RUVBL1: variants seen among roughly 807,000 people sequenced by gnomAD.
RUVBL1 encodes RuvB like AAA ATPase 1.
In RUVBL1, 4 loss-of-function variants were observed where a neutral mutation model predicts 52.4. The ratio of observed to expected loss-of-function variants is 0.08; its 90% CI spans 0.04 to 0.17. The LOEUF is 0.17. Among genes scored for constraint, RUVBL1 ranks in the 10% least tolerant of loss-of-function variants. The probability of loss-of-function intolerance (pLI) is 1.00; values close to 1 mark genes in which losing one functional copy is unlikely to be tolerated. For missense variants in RUVBL1, 298 were observed against 572.8 expected (o/e 0.52, Z 4.90); for synonymous variants, 217 against 214.4 (o/e 1.01, Z -0.10).
intron 1 of RUVBL1, among the ~76,000 whole-genome samples, chr3:128,151,451 A>G (rs1944210914): frequency 6.6e-6 from 1 of 151,854 alleles, no homozygotes; most frequent in Non-Finnish European, 1.5e-5. Context: ...GGCCCTGTAC[A>G]AAGTCTTTGT....
chr3:128,107,942 C>T (rs1201007868), intron 3 of RUVBL1, among the ~76,000 whole-genome samples: 1 of 152,154 alleles, frequency 6.6e-6, no homozygotes, highest in East Asian at 1.9e-4. Flanking sequence ...AAAGACATTC[C>T]CGTCTCTCAC....
chr3:128,069,393 A>G, intron 9 of RUVBL1: 9 of 1,341,212 alleles, frequency 6.7e-6, no homozygotes, highest in Non-Finnish European at 9.3e-6. Context: ...ATTAGGTCCC[A>G]AAGTCTCAGG....
At chr3:128,153,363 G>A in exon 1 of RUVBL1, 1 of 1,385,170 alleles carries the variant, frequency 7.2e-7, no homozygotes, top group South Asian at 1.6e-5. Context: ...GTGCCCGTGA[G>A]CCTCAGGAGG....
Position 128,120,765 on chromosome 3 carries a change from C to T in RUVBL1, c.142-1351G>A, listed in dbSNP as rs565471479. Among the ~76,000 whole-genome samples, 312 of 152,168 alleles carry T rather than the reference C, an allele frequency of 2.1e-3. 1 individual carries two copies. Among genetic ancestry groups the T allele is most frequent in the Non-Finnish European group, 3.5e-3 (238 of 68,002 alleles). ...TCAAAAAATATGTAAGGACTACAGG[C>T]GCCTGCCACCATGCCTAGCTAATTT... is the stretch of plus-strand genomic sequence containing the variant. On this transcript the variant is annotated intron_variant, in intron 1 of 10. Transcript: ENST00000322623.
intron 1 of RUVBL1, among the ~76,000 whole-genome samples, chr3:128,148,364 A>G (rs925204950): frequency 6.6e-6 from 1 of 152,222 alleles, no homozygotes; most frequent in South Asian, 2.1e-4. Flanking sequence ...GGTGTATGAA[A>G]GAAAGAGAGG....
At chr3:128,073,834 A>G (rs924508541) in intron 9 of RUVBL1, among the ~76,000 whole-genome samples, 1 of 152,248 alleles carries the variant, frequency 6.6e-6, no homozygotes, top group African/African-American at 2.4e-5. Flanking sequence ...GGCTAGAAAC[A>G]TCTAAATGCC....
intron 3 of RUVBL1, among the ~76,000 whole-genome samples, chr3:128,109,171 G>A (rs911121039): frequency 7.9e-5 from 12 of 152,134 alleles, no homozygotes; most frequent in Admixed American, 6.5e-4. Flanking sequence ...CTGTTCCTTC[G>A]GTGGTGACGG....
At chr3:128,086,257 A>G (rs1445237454) in intron 9 of RUVBL1, among the ~76,000 whole-genome samples, 1 of 152,204 alleles carries the variant, frequency 6.6e-6, no homozygotes. Flanking sequence ...TCAGCCTCCC[A>G]AAGTACTGGG....
chr3:128,136,984 A>G (rs968032064), intron 1 of RUVBL1, among the ~76,000 whole-genome samples: 2 of 113,310 alleles, frequency 1.8e-5, no homozygotes, highest in Non-Finnish European at 3.8e-5. Flanking sequence ...AATGGACTTA[A>G]TAGATATTTA....
chr3:128,097,457 T>C lies in RUVBL1; in HGVS notation c.859A>G (p.Ile287Val). 6.2e-7 allele frequency: 1 copy of C among 1,614,188 alleles called. No homozygotes were observed. The highest frequency in any genetic ancestry group is 8.5e-7 in the Non-Finnish European group (1 of 1,180,034). Residue 287 changes from isoleucine (I) to valine (V), a missense_variant, in exon 8 of 11, where the codon ATC (isoleucine) becomes GTC (valine). Ile to Val is a conservative substitution (Grantham distance 29, BLOSUM62 3). Transcript: ENST00000322623. Reference sequence around the variant, plus strand: ...ACCAGCTCAGCAATGCCCTGGTCGATGTACTTGTTCACCACCTTATTAATC... The same window carrying C: ...ACCAGCTCAGCAATGCCCTGGTCGACGTACTTGTTCACCACCTTATTAATC... ...GEINKVVNKY[I>V]DQGIAELVPG...
chr3:128,136,409 T>C (rs1369020690), intron 1 of RUVBL1, among the ~76,000 whole-genome samples: 4 of 152,184 alleles, frequency 2.6e-5, no homozygotes, highest in Non-Finnish European at 5.9e-5. Context: ...ATGTGGGTGG[T>C]GAGCCCAGGA....
At chr3:128,084,879 G>C (rs1365080354) in intron 9 of RUVBL1, 16 of 152,336 alleles carry the variant, frequency 1.1e-4, no homozygotes, top group Admixed American at 1.0e-3. Context: ...CCTCCTGACA[G>C]AGCCAAGACA....
chr3:128,093,547 C>G (rs1371082412), intron 8 of RUVBL1, among the ~76,000 whole-genome samples: 1 of 151,860 alleles, frequency 6.6e-6, no homozygotes, highest in African/African-American at 2.4e-5. Flanking sequence ...GAGCAGAGTC[C>G]ATACTGTTTC....
chr3:128,098,665 C>T (rs7632756), intron 7 of RUVBL1, among the ~76,000 whole-genome samples: 108,384 of 152,146 alleles, frequency 0.71, 38,782 homozygotes, highest in East Asian at 0.89. Context: ...GGGCCAGAAA[C>T]TGTGACTGCA....
chr3:128,146,042 G>C (rs1944098787), intron 1 of RUVBL1, among the ~76,000 whole-genome samples: 1 of 152,208 alleles, frequency 6.6e-6, no homozygotes, highest in South Asian at 2.1e-4. Context: ...ACTGGAGCAG[G>C]ATAAGGGGGA....
exon 1 of RUVBL1, chr3:128,153,816 C>T (rs1944307470): frequency 6.6e-7 from 1 of 1,510,444 alleles, no homozygotes; most frequent in Admixed American, 2.0e-5. Context: ...TCCGGACCAT[C>T]ATCGGCGGTG....
chr3:128,124,762 G>A (rs1943756064), upstream of RUVBL1, among the ~76,000 whole-genome samples: 1 of 152,208 alleles, frequency 6.6e-6, no homozygotes, highest in Non-Finnish European at 1.5e-5. Flanking sequence ...GACCAGAGCA[G>A]AAGCCCCCGG....
upstream of RUVBL1, chr3:128,123,964 C>A (rs756288309): frequency 7.4e-5 from 89 of 1,208,650 alleles, no homozygotes; most frequent in Non-Finnish European, 8.8e-5. Context: ...TGGCTTCCCC[C>A]GTAGCCGGCG....
intron 9 of RUVBL1, among the ~76,000 whole-genome samples, chr3:128,086,184 T>C (rs1942640710): frequency 6.6e-6 from 1 of 151,874 alleles, no homozygotes; most frequent in Non-Finnish European, 1.5e-5. Flanking sequence ...TTTTGGTGAG[T>C]AGGGGTGTCA....
Sources: allele counts gnomAD v4.1 joint callset (sites outside exome capture counted in the v4.1 genomes callset), GRCh38; gene constraint gnomAD v4.1.1; transcripts MANE v1.5; gene names NCBI Gene and HGNC (gene_info 2026-07-23, HGNC 2026-07-21).